Variants in ARHGAP15 observed in about 807,000 individuals in gnomAD.
ARHGAP15 encodes Rho GTPase activating protein 15.
A neutral mutation model predicts 63.7 loss-of-function variants in ARHGAP15; 51 were observed. The ratio of observed to expected loss-of-function variants is 0.80; its 90% CI spans 0.64 to 1.01. ARHGAP15 has a LOEUF of 1.01. ARHGAP15 is among the 50% of genes least tolerant of loss of function. The probability of loss-of-function intolerance (pLI) is 0.00; values close to 1 mark genes in which losing one functional copy is unlikely to be tolerated. For missense variants in ARHGAP15, 560 were observed against 564.6 expected, an observed-to-expected ratio of 0.99 and a Z score of 0.08; for synonymous variants, 191 against 193.8, an observed-to-expected ratio of 0.99 and a Z score of 0.12.
intron 5 of ARHGAP15, among the ~76,000 whole-genome samples, chr2:143,239,510 C>T (rs145053901): frequency 4.7e-4 from 72 of 152,168 alleles, no homozygotes; most frequent in African/African-American, 1.7e-3. Flanking sequence ...ATGAGTTTGA[C>T]GTTATAAAAA....
At chr2:143,518,940 A>G (rs1338391668) in intron 9 of ARHGAP15, 1 of 198,572 alleles carries the variant, frequency 5.0e-6, no homozygotes, top group African/African-American at 2.4e-5. Context: ...ACACTAAGAT[A>G]AATTATTTTG....
intron 6 of ARHGAP15, among the ~76,000 whole-genome samples, chr2:143,422,080 C>A (rs1688947067): frequency 6.6e-6 from 1 of 152,096 alleles, no homozygotes; most frequent in South Asian, 2.1e-4. Context: ...AATTAACAAG[C>A]TGCATATAAG....
intron 6 of ARHGAP15, among the ~76,000 whole-genome samples, chr2:143,321,324 T>C (rs1684009620): frequency 6.6e-6 from 1 of 152,244 alleles, no homozygotes; most frequent in Non-Finnish European, 1.5e-5. Flanking sequence ...CTCAAACTTG[T>C]GGAAGCATAA....
intron 6 of ARHGAP15, among the ~76,000 whole-genome samples, chr2:143,313,578 T>TG (rs772972286): frequency 5.9e-5 from 9 of 152,132 alleles, no homozygotes; most frequent in South Asian, 2.1e-4. Flanking sequence ...AGTGTGTGTA[T>TG]GGGAGGGTAG....
intron 6 of ARHGAP15, among the ~76,000 whole-genome samples, chr2:143,357,955 C>T (rs969687889): frequency 6.6e-6 from 1 of 152,004 alleles, no homozygotes; most frequent in Non-Finnish European, 1.5e-5. Flanking sequence ...CTTGATGTAT[C>T]GAGTAAGGAG....
intron 12 of ARHGAP15, among the ~76,000 whole-genome samples, chr2:143,685,056 G>A (rs887664482): frequency 6.6e-6 from 1 of 152,210 alleles, no homozygotes; most frequent in African/African-American, 2.4e-5. Context: ...GGGGCACTGT[G>A]TTTGTTTAAT....
intron 5 of ARHGAP15, among the ~76,000 whole-genome samples, chr2:143,233,585 A>G (rs1427471837): frequency 6.7e-6 from 1 of 149,946 alleles, no homozygotes; most frequent in Non-Finnish European, 1.5e-5. Context: ...CTGGATTGTT[A>G]TGCTTCTTAA....
chr2:143,518,289 C>G (rs1403842134), intron 9 of ARHGAP15, among the ~76,000 whole-genome samples: 1 of 152,228 alleles, frequency 6.6e-6, no homozygotes, highest in Non-Finnish European at 1.5e-5. Context: ...CACTCAGAAT[C>G]TGCTTTGAGA....
chr2:143,576,647 TAC>T (rs1696692491), intron 11 of ARHGAP15, among the ~76,000 whole-genome samples: 1 of 152,050 alleles, frequency 6.6e-6, no homozygotes, highest in Non-Finnish European at 1.5e-5. Context: ...TTTAATGGAA[TAC>T]AGCAAAGAAC....
intron 2 of ARHGAP15, among the ~76,000 whole-genome samples, chr2:143,193,665 T>A (rs1343774123): frequency 3.9e-5 from 6 of 152,158 alleles, no homozygotes; most frequent in African/African-American, 1.4e-4. Context: ...TGTTCAAAGC[T>A]TGGCTTCCCA....
chr2:143,250,421 TA>T (rs777812086), intron 5 of ARHGAP15, 89 bp from the exon 6 acceptor site: 93 of 971,854 alleles, frequency 9.6e-5, no homozygotes, highest in Non-Finnish European at 1.3e-4. Context: ...CATAAATATG[TA>T]TAGCTGCTAA....
At chr2:143,131,257 T>C (rs1296008904) in intron 1 of ARHGAP15, among the ~76,000 whole-genome samples, 2 of 152,190 alleles carry the variant, frequency 1.3e-5, no homozygotes, top group African/African-American at 4.8e-5. Context: ...TAAAGAGCAG[T>C]AAGGTACAAA....
chr2:143,191,005 A>G (rs947520807), intron 2 of ARHGAP15, among the ~76,000 whole-genome samples: 18 of 152,102 alleles, frequency 1.2e-4, no homozygotes, highest in Non-Finnish European at 7.4e-5. Flanking sequence ...TTTTGACCTC[A>G]TGATCCGCCC....
intron 6 of ARHGAP15, among the ~76,000 whole-genome samples, chr2:143,346,602 A>G (rs1471282190): frequency 6.6e-6 from 1 of 152,122 alleles, no homozygotes; most frequent in Non-Finnish European, 1.5e-5. Flanking sequence ...GCACCGACCA[A>G]AATGTTGATG....
At chr2:143,272,010 C>A (rs2105053738) in intron 6 of ARHGAP15, among the ~76,000 whole-genome samples, 2 of 152,246 alleles carry the variant, frequency 1.3e-5, no homozygotes, top group Non-Finnish European at 2.9e-5. Flanking sequence ...ATCTATAATT[C>A]CCTAGAAGAA....
At chr2:143,376,267 TA>T in intron 6 of ARHGAP15, among the ~76,000 whole-genome samples, 1 of 152,306 alleles carries the variant, frequency 6.6e-6, no homozygotes, top group East Asian at 1.9e-4. Context: ...GAAAATCAAT[TA>T]ACTAAAATTC....
At chr2:143,231,676 C>T (rs920851338) in intron 5 of ARHGAP15, among the ~76,000 whole-genome samples, 1 of 152,180 alleles carries the variant, frequency 6.6e-6, no homozygotes, top group African/African-American at 2.4e-5. Context: ...ATCTGTCTTA[C>T]TCAGTTAGGA....
At chr2:143,244,241 A>G (rs1327835005) in intron 5 of ARHGAP15, among the ~76,000 whole-genome samples, 2 of 152,056 alleles carry the variant, frequency 1.3e-5, no homozygotes, top group Non-Finnish European at 2.9e-5. Context: ...ATAAAGAACC[A>G]TAAGTCAAAC....
intron 5 of ARHGAP15, among the ~76,000 whole-genome samples, chr2:143,230,770 G>A (rs905714051): frequency 3.9e-5 from 6 of 152,174 alleles, no homozygotes; most frequent in Admixed American, 3.9e-4. Context: ...ACGATTGCCA[G>A]GCCTTGATTA....
Sources: gnomAD v4.1 joint callset for allele counts (sites outside exome capture counted in the v4.1 genomes callset) on GRCh38, gnomAD v4.1.1 for gene constraint, MANE v1.5 for transcripts, NCBI Gene and HGNC (gene_info 2026-07-23, HGNC 2026-07-21) for gene names.